Variants in ADRM1 observed in about 807,000 individuals in gnomAD.
The protein encoded by ADRM1 is proteasomal ubiquitin receptor ADRM1.
ADRM1 carries 2 observed loss-of-function variants against 40.1 expected under a neutral mutation model. The ratio of observed to expected loss-of-function variants is 0.05; its 90% CI spans 0.02 to 0.16. ADRM1 has a LOEUF of 0.16. ADRM1 is among the 10% of genes least tolerant of loss of function. ADRM1 has a pLI of 1.00. For missense variants in ADRM1, 467 were observed against 552.5 expected (o/e 0.85, Z 1.55); for synonymous variants, 287 against 240.4 (o/e 1.19, Z -1.79).
intron 3 of ADRM1, among the ~76,000 whole-genome samples, chr20:62,305,073 C>T (rs1289008733): frequency 6.6e-6 from 1 of 152,236 alleles, no homozygotes; most frequent in African/African-American, 2.4e-5. Context: ...GGTCTAGAGG[C>T]CGCTGCTCAT....
intron 3 of ADRM1, among the ~76,000 whole-genome samples, 180 bp downstream of exon 3, chr20:62,304,757 C>T (rs547305668): frequency 1.9e-4 from 29 of 152,394 alleles, no homozygotes; most frequent in Middle Eastern, 6.8e-3. Context: ...GGTCCTCTCC[C>T]AGAGTACGGA....
Position 62,307,364 on chromosome 20 carries a change from C to G in ADRM1, c.542-7C>G, listed in dbSNP as rs1467159996. On this transcript the variant is annotated splice_region_variant and splice_polypyrimidine_tract_variant and intron_variant, in intron 5 of 9. Coordinates refer to ENST00000253003, the MANE Select transcript of ADRM1 (RefSeq NM_007002.4). ...ATCCTGAGCTCGCATTTCCTTGCCC[C>G]TCGCAGGTGGGCTGGGGGCCCTGAC... 4 of 1,598,926 alleles carry G rather than the reference C, an allele frequency of 2.5e-6. No individual in the cohort carries two copies. In the Admixed American group the frequency reaches 7.2e-5, roughly 29 times the overall value.
At chr20:62,303,226 G>T (rs867840584) in intron 1 of ADRM1, 177 bp downstream of exon 1, 9 of 178,940 alleles carry the variant, frequency 5.0e-5, no homozygotes, top group African/African-American at 2.1e-4. Flanking sequence ...CCCCGGTTCC[G>T]CCTGCGGCTC....
In ADRM1 at chr20:62,303,673, G is replaced by C; in HGVS notation, c.105G>C (p.Gly35=). The C allele has an allele frequency of 6.2e-7, 1 of 1,612,406 alleles. No individual in the cohort carries two copies. The highest frequency in any genetic ancestry group is 8.5e-7 in the Non-Finnish European group (1 of 1,179,998). The change falls in exon 2 of 10, where the codon GGG becomes GGC. Residue 35 remains glycine, a synonymous_variant. Transcript: ENST00000253003. ...GGGCGGGAAAGATGTCCCTGAAGGG[G>C]ACCACCGTGACTCCGGATAAGCGGA... is the stretch of plus-strand genomic sequence containing the variant. ...EFRAGKMSLK[G]TTVTPDKRKG...
intron 3 of ADRM1, 67 bp from the exon 4 acceptor site, chr20:62,306,130 G>T: frequency 6.4e-7 from 1 of 1,567,460 alleles, no homozygotes; most frequent in Non-Finnish European, 8.7e-7. Context: ...CCAGGTCAGA[G>T]GATGGCTGTG....
chr20:62,304,037 T>G, intron 2 of ADRM1: 2 of 547,356 alleles, frequency 3.7e-6, no homozygotes, highest in Non-Finnish European at 6.6e-6. Flanking sequence ...TGCCTGGCCT[T>G]GAACTGTCCG....
In ADRM1 at chr20:62,308,479, C is replaced by A; in HGVS notation, c.1117+9C>A. 1 of 1,591,680 alleles carries A rather than the reference C, an allele frequency of 6.3e-7. No homozygotes were observed. Among genetic ancestry groups the A allele is most frequent in the Middle Eastern group, 1.7e-4 (1 of 5,920 alleles). On this transcript the variant is annotated intron_variant, in intron 9 of 9. Coordinates refer to ENST00000253003, the MANE Select transcript of ADRM1 (RefSeq NM_007002.4). The stretch of plus-strand genomic sequence containing the variant: ...GGCCGCCAACAAGGGCGGTAAGTGG[C>A]TGCGCCTGCACCTCCAGGCCAGAGC...
chr20:62,304,329 G>A (rs1434767581), intron 2 of ADRM1, 132 bp from the exon 3 acceptor site: 3 of 689,828 alleles, frequency 4.3e-6, no homozygotes, highest in African/African-American at 1.8e-5. Flanking sequence ...GACCCTGCCA[G>A]CGAGGGGTCT....
rs190374676 is a variant in ADRM1, at chr20:62,303,009, G to A, written c.-42G>A. ...GGCAGGCGCCGAGGAGGAAGAGCGA[G>A]CCCGGACGGCGCCTCTCGAACGAGT... On this transcript the variant is annotated 5_prime_UTR_variant, in exon 1 of 10. Transcript: ENST00000253003. 2 of 152,226 alleles carry A rather than the reference G, an allele frequency of 1.3e-5. No homozygotes were observed. Among genetic ancestry groups the A allele is most frequent in the Admixed American group, 6.5e-5 (1 of 15,294 alleles). The allele number at this position is 152,226 out of a possible 1,614,324, so 9.4% of individuals were successfully genotyped here. A position where few individuals can be genotyped will look rare whatever the true frequency, so the allele number is the denominator to read the frequency against.
rs1461942314 is a variant in ADRM1, at chr20:62,306,657, G to A, written c.464G>A (p.Gly155Asp). The A allele has an allele frequency of 1.2e-6, 2 of 1,608,078 alleles. No individual in the cohort carries two copies. The highest frequency in any genetic ancestry group is 1.7e-5 in the Admixed American group (1 of 59,472). ...HELSALGGEGGLQSLLGNMSH... is the reference protein window; with the variant it reads ...HELSALGGEGDLQSLLGNMSH... Reference sequence around the variant, plus strand: ...CTGCAGTGTTTTCCAGGTGAGGGTGGCCTGCAGAGCCTGCTGGGAAACATG... The same window carrying A: ...CTGCAGTGTTTTCCAGGTGAGGGTGACCTGCAGAGCCTGCTGGGAAACATG... The change falls in exon 5 of 10, where the codon GGC becomes GAC. Residue 155 changes from glycine to aspartate, a missense_variant. Coordinates refer to ENST00000253003, the MANE Select transcript of ADRM1 (RefSeq NM_007002.4).
intron 5 of ADRM1, 44 bp from the exon 6 acceptor site, chr20:62,307,327 G>A (rs1985174846): frequency 9.6e-6 from 15 of 1,561,528 alleles, no homozygotes; most frequent in Non-Finnish European, 1.3e-5. Context: ...TCTTTCTGGT[G>A]GGCTAGAGGG....
intron 3 of ADRM1, 59 bp downstream of exon 3, chr20:62,304,636 T>C: frequency 6.5e-7 from 1 of 1,534,338 alleles, no homozygotes; most frequent in South Asian, 1.1e-5. Flanking sequence ...GTTAGGAACT[T>C]GCTTACAGTG....
chr20:62,303,634 C>T lies in ADRM1; in HGVS notation c.66C>T (p.Tyr22=). ...VPGSRGASNK[Y]LVEFRAGKMS... is the part of the protein sequence containing the mutation. ...GCTCTCGGGGCGCCTCCAACAAGTACTTGGTGGAGTTTCGGGCGGGAAAGA... is the reference window on the plus strand; with the variant it reads ...GCTCTCGGGGCGCCTCCAACAAGTATTTGGTGGAGTTTCGGGCGGGAAAGA... The change falls in exon 2 of 10, where the codon TAC becomes TAT. Residue 22 remains tyrosine (Y), a synonymous_variant. Coordinates refer to ENST00000253003, the MANE Select transcript of ADRM1 (RefSeq NM_007002.4). The T allele has an allele frequency of 6.2e-7, 1 of 1,611,360 alleles. No homozygotes were observed. The highest frequency in any genetic ancestry group is 8.5e-7 in the Non-Finnish European group (1 of 1,179,664).
chr20:62,305,753 CGT>C, intron 3 of ADRM1: 1 of 201,302 alleles, frequency 5.0e-6, no homozygotes, highest in Non-Finnish European at 1.0e-5. Flanking sequence ...TGTGCACACG[CGT>C]GTGCTCGATT....
chr20:62,306,507 C>A, intron 4 of ADRM1, 141 bp from the exon 5 acceptor site: 1 of 1,273,816 alleles, frequency 7.9e-7, no homozygotes, highest in Non-Finnish European at 1.1e-6. Flanking sequence ...GTCTGCATCC[C>A]ACCGTCGCCT....
chr20:62,305,048 G>T (rs1984695275), intron 3 of ADRM1, among the ~76,000 whole-genome samples: 4 of 152,242 alleles, frequency 2.6e-5, no homozygotes, highest in Admixed American at 2.6e-4. Context: ...ACCCACAGCT[G>T]CAGAGCGTCT....
At chr20:62,304,091 A>C in intron 2 of ADRM1, 1 of 505,190 alleles carries the variant, frequency 2.0e-6, no homozygotes, top group Non-Finnish European at 3.6e-6. Flanking sequence ...GAGAGCCTGG[A>C]GCTCTGTGCC....
chr20:62,303,565 C>A lies in ADRM1; in HGVS notation c.-1-3C>A, dbSNP rs997231874. On this transcript the variant is annotated splice_polypyrimidine_tract_variant and splice_region_variant and intron_variant, in intron 1 of 9. Coordinates refer to ENST00000253003, the MANE Select transcript of ADRM1 (RefSeq NM_007002.4). The stretch of plus-strand genomic sequence containing the variant: ...CGTCTCAGCGTCCTCTCCGCGCTTT[C>A]AGGATGACGACCTCAGGCGCGCTCT... 9 of 1,567,478 alleles carry A rather than the reference C, an allele frequency of 5.7e-6. No individual in the cohort carries two copies. The highest frequency in any genetic ancestry group is 1.9e-5 in the Admixed American group (1 of 52,718).
In ADRM1 at chr20:62,306,338, C is replaced by T. The variant is rs762015442; in HGVS notation, c.454+18C>T. ...GCTAGGCGGTAACTGTCACATGTGTCACGTGAGCTCAGGGTTTCCTGGGAG... is the reference window on the plus strand; with the variant it reads ...GCTAGGCGGTAACTGTCACATGTGTTACGTGAGCTCAGGGTTTCCTGGGAG... On this transcript the variant is annotated intron_variant, in intron 4 of 9. Coordinates refer to ENST00000253003, the MANE Select transcript of ADRM1 (RefSeq NM_007002.4). 8 of 1,612,584 alleles carry T rather than the reference C, an allele frequency of 5.0e-6. No individual in the cohort carries two copies. The highest frequency in any genetic ancestry group is 1.3e-5 in the African/African-American group (1 of 75,056).
Sources: allele counts gnomAD v4.1 joint callset (sites outside exome capture counted in the v4.1 genomes callset), GRCh38; gene constraint gnomAD v4.1.1; transcripts MANE v1.5; gene names NCBI Gene and HGNC (gene_info 2026-07-23, HGNC 2026-07-21).